Variants in PLCE1 observed in about 807,000 individuals in gnomAD.
PLCE1 encodes the protein phospholipase C epsilon 1.
PLCE1 carries 119 observed loss-of-function variants against 242.8 expected under a neutral mutation model. That is an observed-to-expected ratio of 0.49 (90% CI 0.42 to 0.57). The LOEUF (loss-of-function observed/expected upper bound fraction) is 0.57. Among genes scored for constraint, PLCE1 ranks in the 20% least tolerant of loss-of-function variants. The pLI, the probability that PLCE1 is intolerant of heterozygous loss-of-function variation, is 0.00. For missense variants in PLCE1, 2,441 were observed against 2,788.8 expected, an observed-to-expected ratio of 0.88 and a Z score of 2.81; for synonymous variants, 945 against 1,017.4, an observed-to-expected ratio of 0.93 and a Z score of 1.35.
chr10:94,043,132 C>T (rs577872104), intron 2 of PLCE1, among the ~76,000 whole-genome samples: 90 of 152,262 alleles, frequency 5.9e-4, no homozygotes, highest in African/African-American at 2.1e-3. Context: ...ATTTAAACCT[C>T]CCTGCAAGTA....
At chr10:94,132,760 C>T (rs979275281) in intron 3 of PLCE1, among the ~76,000 whole-genome samples, 2 of 151,932 alleles carry the variant, frequency 1.3e-5, no homozygotes, top group East Asian at 2.0e-4. Context: ...ACCATCCTGG[C>T]CAACACGGTG....
In PLCE1 at chr10:94,136,277, TTC is replaced by T. The variant is rs143817720; in HGVS notation, c.1492+3820_1492+3821del. Among the ~76,000 whole-genome samples, 829 of 152,258 alleles carry T rather than the reference TTC, an allele frequency of 5.4e-3. 14 individuals carry two copies. Among genetic ancestry groups the T allele is most frequent in the African/African-American group, 0.018 (766 of 41,526 alleles). On this transcript the variant is annotated intron_variant, in intron 3 of 32. Transcript: ENST00000371380. ...AGTTAGTGTTTACGGGCTATAGAGT[TTC>T]TGTTTTGCCAGATGAAGAGTTCTGG...
In PLCE1 at chr10:94,071,495, G is replaced by GTTTTTTTTTTTTT. The variant is rs559496577; in HGVS notation, c.1206+39252_1206+39264dup. 5.0e-3 allele frequency among the ~76,000 whole-genome samples: 413 copies of GTTTTTTTTTTTTT among 83,304 alleles called. 43 individuals carry two copies. Among genetic ancestry groups the GTTTTTTTTTTTTT allele is most frequent in the African/African-American group, 0.01 (187 of 18,668 alleles). The allele number at this position is 83,304 out of a possible 152,430, so 54.7% of individuals were successfully genotyped here. A position where few individuals can be genotyped will look rare whatever the true frequency, so the allele number is the denominator to read the frequency against. On this transcript the variant is annotated intron_variant, in intron 2 of 32. Transcript: ENST00000371380. ...GTCTGTGTGTGTGTGTTTGGTTTTC[G>GTTTTTTTTTTTTT]TTTTTTTTTTTTTTTTTTTTTGAGT...
chr10:94,007,699 CTTTTTTTT>C (rs80098906), intron 1 of PLCE1, among the ~76,000 whole-genome samples: 1 of 64,142 alleles, frequency 1.6e-5, no homozygotes, highest in African/African-American at 6.0e-5. Flanking sequence ...AGCCTACTTT[CTTTTTTTT>C]TTTTTTTTTT....
chr10:94,250,151 CTG>C (rs1043803278), intron 8 of PLCE1, among the ~76,000 whole-genome samples: 1 of 124,328 alleles, frequency 8.0e-6, no homozygotes, highest in Non-Finnish European at 1.7e-5. Context: ...AAAAAAAAAA[CTG>C]TTTTCTAAAA....
At chr10:94,297,448 G>C (rs1042747781) in intron 23 of PLCE1, among the ~76,000 whole-genome samples, 4 of 151,762 alleles carry the variant, frequency 2.6e-5, no homozygotes, top group Admixed American at 6.6e-5. Flanking sequence ...CACCATAACA[G>C]ATATAATAAT....
intron 1 of PLCE1, among the ~76,000 whole-genome samples, chr10:93,996,419 A>G (rs7911800): frequency 1.2e-3 from 184 of 152,284 alleles, no homozygotes; most frequent in African/African-American, 3.9e-3. Context: ...GGTGATTAGG[A>G]AACATGGTGC....
chr10:94,245,702 G>C (rs1336462813), intron 7 of PLCE1, among the ~76,000 whole-genome samples: 3 of 152,192 alleles, frequency 2.0e-5, no homozygotes. Flanking sequence ...GGCCAGGCTG[G>C]TCTTGATCTA....
chr10:94,297,009 G>A lies in PLCE1; in HGVS notation c.5168-1370G>A, dbSNP rs538717408. On this transcript the variant is annotated intron_variant, in intron 23 of 32. Transcript: ENST00000371380. The stretch of plus-strand genomic sequence containing the variant: ...CTGCCTCAGCCTCCTGAGTAGCTGC[G>A]ATGACAGGCGCGTGTGCCTGGCTAA... Among the ~76,000 whole-genome samples the A allele has an allele frequency of 3.9e-5, 6 of 152,098 alleles. No homozygotes were observed. In the East Asian group the frequency reaches 5.8e-4, roughly 15 times the overall value.
chr10:94,079,703 A>G (rs1347008770), intron 2 of PLCE1, among the ~76,000 whole-genome samples: 5 of 152,222 alleles, frequency 3.3e-5, no homozygotes, highest in African/African-American at 2.4e-5. Context: ...TTCTTGCCCT[A>G]AGCCAACTGG....
rs1564727307 is a variant in PLCE1 at position 94,141,590 on chromosome 10, GCTA to G, written c.1492+9132_1492+9134del. Among the ~76,000 whole-genome samples the G allele has an allele frequency of 3.7e-3, 201 of 54,048 alleles. 8 individuals carry two copies. Among genetic ancestry groups the G allele is most frequent in the African/African-American group, 0.017 (178 of 10,584 alleles). The allele number at this position is 54,048 out of a possible 152,430, so 35.5% of individuals were successfully genotyped here. On this transcript the variant is annotated intron_variant, in intron 3 of 32. Coordinates refer to ENST00000371380, the MANE Select transcript of PLCE1 (RefSeq NM_016341.4). ...AAGGCTAAGGGAAGGTGAAGGGAAGGCTAAGGGAAGGCAAAGGGAAGGAGAAAG... is the reference window on the plus strand; with the variant it reads ...AAGGCTAAGGGAAGGTGAAGGGAAGGAGGGAAGGCAAAGGGAAGGAGAAAG...
chr10:94,332,287 T>C lies in PLCE1; in HGVS notation c.*4344T>C, dbSNP rs1302534892. ...TAGGTCTCTAAACTTTTGACACAAG[T>C]AATTCTAACACTGAATTGGGTACTG... On this transcript the variant is annotated 3_prime_UTR_variant, in exon 33 of 33. Coordinates refer to ENST00000371380, the MANE Select transcript of PLCE1 (RefSeq NM_016341.4). 2 of 152,212 alleles carry C rather than the reference T, an allele frequency of 1.3e-5. No homozygotes were observed. The highest frequency in any genetic ancestry group is 2.9e-5 in the Non-Finnish European group (2 of 68,040). The allele number at this position is 152,212 out of a possible 1,614,324, so 9.4% of individuals were successfully genotyped here.
chr10:94,296,347 CAG>C (rs2052814955), intron 23 of PLCE1, among the ~76,000 whole-genome samples: 1 of 129,958 alleles, frequency 7.7e-6, no homozygotes, highest in Non-Finnish European at 1.6e-5. Context: ...ACTTGGGCGA[CAG>C]AGCAAGACTC....
Position 94,324,489 on chromosome 10 carries a change from T to TC in PLCE1, c.6643dup (p.Gln2215ProfsTer20). 6.2e-7 allele frequency: 1 copy of TC among 1,614,196 alleles called. No homozygotes were observed. The highest frequency in any genetic ancestry group is 8.5e-7 in the Non-Finnish European group (1 of 1,180,034). On this transcript the variant is annotated frameshift_variant, in exon 31 of 33. Coordinates refer to ENST00000371380, the MANE Select transcript of PLCE1 (RefSeq NM_016341.4). LOFTEE classifies it high-confidence loss of function. ...AGTCCTCTCAGCGGGTCCTTCTGGA[T>TC]CAGGAGTGTGTGTTTCAAGCCCAAA...
In PLCE1 at chr10:94,324,988, T is replaced by C. The variant is rs1453614580; in HGVS notation, c.6817T>C (p.Ser2273Pro). ...ACAGCCCCGAGGACTTACATCACCT[T>C]CTCAGCTCTTGACCTCAGAAAGTAT... Reference protein sequence around the residue: ...TKQPRGLTSPSQLLTSESIQT... With the variant: ...TKQPRGLTSPPQLLTSESIQT... Residue 2273 changes from serine (S) to proline (P), a missense_variant, in exon 32 of 33, where the codon TCT becomes CCT. By Grantham distance (74) the Ser-to-Pro change is moderately conservative (BLOSUM62 -1). This residue lies in a region of PLCE1 where 310 missense variants were observed against 317.2 expected (regional missense o/e 0.98). Coordinates refer to ENST00000371380, the MANE Select transcript of PLCE1 (RefSeq NM_016341.4). 10 of 1,614,024 alleles carry C rather than the reference T, an allele frequency of 6.2e-6. No individual in the cohort carries two copies. The highest frequency in any genetic ancestry group is 6.8e-6 in the Non-Finnish European group (8 of 1,180,006).
At chr10:94,227,106 A>G in intron 4 of PLCE1, 200 bp from the exon 5 acceptor site, 1 of 544,082 alleles carries the variant, frequency 1.8e-6, no homozygotes. Context: ...CAAACTCCTG[A>G]CCTCAGGTGA....
chr10:94,067,200 G>T (rs901873841), intron 2 of PLCE1, among the ~76,000 whole-genome samples: 2 of 152,068 alleles, frequency 1.3e-5, no homozygotes, highest in Non-Finnish European at 2.9e-5. Flanking sequence ...TAACATACTG[G>T]TTAGTGACCC....
At chr10:94,101,632 G>A (rs150284303) in intron 2 of PLCE1, among the ~76,000 whole-genome samples, 2 of 152,280 alleles carry the variant, frequency 1.3e-5, no homozygotes, top group Admixed American at 6.5e-5. Context: ...TGAGCTACTC[G>A]GTAAATACAG....
At chr10:94,229,955 G>T (rs1329140777) in intron 5 of PLCE1, among the ~76,000 whole-genome samples, 3 of 152,224 alleles carry the variant, frequency 2.0e-5, no homozygotes, top group Non-Finnish European at 4.4e-5. Flanking sequence ...ATGATGCAAT[G>T]ATTATGGAGG....
Sources: gnomAD v4.1 joint callset for allele counts (sites outside exome capture counted in the v4.1 genomes callset) on GRCh38, gnomAD v4.1.1 for gene constraint, gnomAD v4.1.1 regional missense constraint, MANE v1.5 for transcripts, NCBI Gene and HGNC (gene_info 2026-07-23, HGNC 2026-07-21) for gene names.